Variants in FKBP6 observed in about 807,000 individuals in gnomAD.
The protein encoded by FKBP6 is inactive peptidyl-prolyl cis-trans isomerase FKBP6.
In FKBP6, 29 loss-of-function variants were observed where a neutral mutation model predicts 41.7. The ratio of observed to expected loss-of-function variants is 0.70; its 90% CI spans 0.52 to 0.95. The LOEUF (loss-of-function observed/expected upper bound fraction) is 0.95. Ranked by LOEUF, FKBP6 falls within the 40% of genes least tolerant of loss-of-function variation. FKBP6 has a pLI of 0.00. For synonymous variants in FKBP6, 130 were observed against 165.1 expected (o/e 0.79, Z 1.63); for missense variants, 338 against 408.7 (o/e 0.83, Z 1.49).
chr7:73,344,073 C>A (rs1805271756), intron 8 of FKBP6, among the ~76,000 whole-genome samples: 1 of 152,194 alleles, frequency 6.6e-6, no homozygotes, highest in African/African-American at 2.4e-5. Context: ...TTTCAGTGGC[C>A]TTTGGAGTAC....
At chr7:73,336,252 T>C (rs949761943) in intron 5 of FKBP6, among the ~76,000 whole-genome samples, 1 of 152,144 alleles carries the variant, frequency 6.6e-6, no homozygotes, top group Non-Finnish European at 1.5e-5. Flanking sequence ...CTGAGAGCTG[T>C]CTTGTCCTTT....
intron 8 of FKBP6, among the ~76,000 whole-genome samples, chr7:73,355,485 A>G (rs549180261): frequency 6.6e-6 from 1 of 152,238 alleles, no homozygotes; most frequent in African/African-American, 2.4e-5. Flanking sequence ...GGGAGCTTGA[A>G]GTTGATCTCC....
At chr7:73,353,359 C>T (rs1384914473) in intron 8 of FKBP6, among the ~76,000 whole-genome samples, 2 of 152,328 alleles carry the variant, frequency 1.3e-5, no homozygotes, top group African/African-American at 4.8e-5. Context: ...ATCTCTCATA[C>T]TCTGTTACAG....
At chr7:73,333,917 C>T (rs935003308) in intron 5 of FKBP6, among the ~76,000 whole-genome samples, 4 of 152,052 alleles carry the variant, frequency 2.6e-5, no homozygotes, top group Admixed American at 6.6e-5. Flanking sequence ...ACTAAAAATA[C>T]AAAAATTAGC....
Position 73,342,914 on chromosome 7 carries a change from AG to A in FKBP6, c.*2+18del, listed in dbSNP as rs782175563. 9 of 1,573,390 alleles carry A rather than the reference AG, an allele frequency of 5.7e-6. No individual in the cohort carries two copies. In the South Asian group the frequency reaches 1.0e-4, roughly 17 times the overall value. On this transcript the variant is annotated intron_variant, in intron 8 of 8. Transcript: ENST00000252037. ...GAAAGTTGAAGGTAATCAAAGGGCC[AG>A]GGTGGCACACAGGCTTCCGGATGGA...
chr7:73,353,860 A>T (rs1421979199), intron 8 of FKBP6, among the ~76,000 whole-genome samples: 2 of 151,176 alleles, frequency 1.3e-5, no homozygotes, highest in Non-Finnish European at 2.9e-5. Context: ...CAGCCTCCCC[A>T]GTAGCTGGGA....
chr7:73,332,263 C>T (rs900980539), intron 5 of FKBP6, among the ~76,000 whole-genome samples: 17 of 152,054 alleles, frequency 1.1e-4, no homozygotes, highest in Middle Eastern at 3.4e-3. Context: ...GCAGGTGGAT[C>T]ACCTGAGGTC....
At chr7:73,350,208 G>A (rs1191914233) in intron 8 of FKBP6, among the ~76,000 whole-genome samples, 2 of 152,122 alleles carry the variant, frequency 1.3e-5, no homozygotes, top group East Asian at 1.9e-4. Context: ...CCAGTCCATC[G>A]TCATGTGGGC....
At chr7:73,349,850 C>T (rs887112764) in intron 8 of FKBP6, among the ~76,000 whole-genome samples, 1 of 152,026 alleles carries the variant, frequency 6.6e-6, no homozygotes, top group Non-Finnish European at 1.5e-5. Context: ...CTTTCTGGCA[C>T]AATTGGTTGA....
rs199760191 is a variant in FKBP6, at chr7:73,330,233, G to A, written c.349G>A (p.Ala117Thr). ...LARFLFKPNY[A>T]YGTLGCPPLI... The stretch of plus-strand genomic sequence containing the variant: ...CAGGTTTCTGTTCAAACCGAACTAC[G>A]CCTATGGAACGCTGGGCTGCCCTCC... The change falls in exon 4 of 9, where the codon GCC becomes ACC. Residue 117 changes from alanine (A) to threonine (T), a missense_variant. Physicochemically the swap from Ala to Thr is moderately conservative, Grantham distance 58. Coordinates refer to ENST00000252037, the MANE Select transcript of FKBP6 (RefSeq NM_003602.5). The A allele has an allele frequency of 9.0e-5, 146 of 1,613,886 alleles. No homozygotes were observed. The highest frequency in any genetic ancestry group is 1.2e-4 in the Non-Finnish European group (136 of 1,179,918).
intron 5 of FKBP6, among the ~76,000 whole-genome samples, chr7:73,335,490 C>T (rs945193586): frequency 1.3e-5 from 2 of 152,316 alleles, no homozygotes; most frequent in Middle Eastern, 3.4e-3. Context: ...TTCATAGCCG[C>T]GTTACCAGTA....
intron 8 of FKBP6, among the ~76,000 whole-genome samples, chr7:73,345,911 T>C (rs1461126465): frequency 6.6e-6 from 1 of 152,114 alleles, no homozygotes; most frequent in Non-Finnish European, 1.5e-5. Context: ...GTGCAGTCCC[T>C]GTTAGGGTCT....
Position 73,358,190 on chromosome 7 carries a change from C to G in FKBP6, c.*12C>G, listed in dbSNP as rs782319485. On this transcript the variant is annotated 3_prime_UTR_variant, in exon 9 of 9. Transcript: ENST00000252037. ...GCTGTTTGATTCCCAGGTTCTTCACCTACCAACGAGGGGAGAGAGCTGTGG... is the reference window on the plus strand; with the variant it reads ...GCTGTTTGATTCCCAGGTTCTTCACGTACCAACGAGGGGAGAGAGCTGTGG... The G allele has an allele frequency of 4.6e-5, 7 of 152,042 alleles. No individual in the cohort carries two copies. Among genetic ancestry groups the G allele is most frequent in the Non-Finnish European group, 7.4e-5 (5 of 68,024 alleles). 9.4% of individuals were successfully genotyped at this position (152,042 alleles called of 1,614,324 possible). A position where few individuals can be genotyped will look rare whatever the true frequency, so the allele number is the denominator to read the frequency against.
chr7:73,332,538 G>A (rs1350877401), intron 5 of FKBP6, among the ~76,000 whole-genome samples: 4 of 151,936 alleles, frequency 2.6e-5, no homozygotes, highest in Non-Finnish European at 4.4e-5. Context: ...GTACTGGAGA[G>A]GGGACTAACG....
intron 8 of FKBP6, among the ~76,000 whole-genome samples, chr7:73,343,251 G>T (rs1805244673): frequency 6.6e-6 from 1 of 152,142 alleles, no homozygotes; most frequent in African/African-American, 2.4e-5. Flanking sequence ...CGCCTCCCAG[G>T]TTCAAGCGAT....
intron 5 of FKBP6, among the ~76,000 whole-genome samples, chr7:73,332,598 G>C (rs1205621830): frequency 6.6e-6 from 1 of 152,120 alleles, no homozygotes; most frequent in Non-Finnish European, 1.5e-5. Context: ...GGGCTGGAGA[G>C]AGGACTCACG....
intron 8 of FKBP6, among the ~76,000 whole-genome samples, chr7:73,353,205 G>A (rs1012739946): frequency 2.0e-5 from 3 of 151,734 alleles, no homozygotes; most frequent in South Asian, 2.1e-4. Context: ...TCCCTTTTAC[G>A]AGGATCTGAT....
At chr7:73,341,751 C>T (rs1805198397) in intron 7 of FKBP6, among the ~76,000 whole-genome samples, 1 of 151,168 alleles carries the variant, frequency 6.6e-6, no homozygotes, top group Non-Finnish European at 1.5e-5. Context: ...GCAACCTCCG[C>T]GTCCCGAGTT....
rs573944420 is a variant in FKBP6 at position 73,328,329 on chromosome 7, G to T, written c.-100G>T. 1.1e-4 allele frequency: 167 copies of T among 1,550,152 alleles called. No homozygotes were observed. In the Middle Eastern group the frequency reaches 2.7e-3, roughly 25 times the overall value. ...TGCCGCCGTCGGTAGGGGTCTGCCG[G>T]GCATAAAGGGGCCTTCGGAACCCCA... On this transcript the variant is annotated 5_prime_UTR_variant, in exon 1 of 9. Coordinates refer to ENST00000252037, the MANE Select transcript of FKBP6 (RefSeq NM_003602.5).
Sources: gnomAD v4.1 joint callset for allele counts (sites outside exome capture counted in the v4.1 genomes callset) on GRCh38, gnomAD v4.1.1 for gene constraint, MANE v1.5 for transcripts, NCBI Gene and HGNC (gene_info 2026-07-23, HGNC 2026-07-21) for gene names.